SLC18A1: variants seen among roughly 807,000 people sequenced by gnomAD.
The protein encoded by SLC18A1 is solute carrier family 18 member A1, also known as chromaffin granule amine transporter.
In SLC18A1, 69 loss-of-function variants were observed where a neutral mutation model predicts 53.7. The observed-to-expected ratio is 1.28, with a 90% confidence interval of 1.06 to 1.57. SLC18A1 has a LOEUF of 1.57. SLC18A1 is among the 40% of genes most tolerant of loss of function. SLC18A1 has a pLI of 0.00. For missense variants in SLC18A1, 932 were observed against 668.1 expected (o/e 1.40, Z -4.35); for synonymous variants, 320 against 248.1 (o/e 1.29, Z -2.72).
At chr8:20,152,315 G>T (rs1563727751) in intron 10 of SLC18A1, among the ~76,000 whole-genome samples, 1 of 152,180 alleles carries the variant, frequency 6.6e-6, no homozygotes, top group Non-Finnish European at 1.5e-5. Context: ...TGACATAATT[G>T]GATTTATATT....
rs1261105613 is a variant in SLC18A1, at chr8:20,147,925, T to C, written c.1210+82A>G. On this transcript the variant is annotated intron_variant, in intron 13 of 15. Transcript: ENST00000276373. ...CTTCTGCCTCTGCACCTACCTCCTC[T>C]GATGAGAAAAGGGGGAGGAAAGGCA... The C allele has an allele frequency of 4.0e-6, 6 of 1,517,730 alleles. No individual in the cohort carries two copies. In the African/African-American group the frequency reaches 4.1e-5, roughly 10 times the overall value. The allele number at this position is 1,517,730 out of a possible 1,614,324, so 94.0% of individuals were successfully genotyped here.
chr8:20,151,372 A>G (rs543244632), intron 10 of SLC18A1, among the ~76,000 whole-genome samples: 1 of 152,044 alleles, frequency 6.6e-6, no homozygotes, highest in South Asian at 2.1e-4. Flanking sequence ...TGTATAAAAT[A>G]CCCTTGATTA....
chr8:20,146,889 G>C (rs1216077125), intron 15 of SLC18A1, among the ~76,000 whole-genome samples: 1 of 151,542 alleles, frequency 6.6e-6, no homozygotes, highest in Admixed American at 6.6e-5. Flanking sequence ...TGGATGAACG[G>C]ATGTGCCAAT....
intron 12 of SLC18A1, among the ~76,000 whole-genome samples, chr8:20,149,027 C>T (rs2071477497): frequency 6.6e-6 from 1 of 152,090 alleles, no homozygotes; most frequent in African/African-American, 2.4e-5. Flanking sequence ...ATCCCATGCT[C>T]CTGCTCAGGA....
rs1221690700 is a variant in SLC18A1, at chr8:20,145,652, C to T, written c.*111G>A. ...ATGGGAGGGGAGGAAAGAAGATTCC[C>T]AGGCAGAGGTATGTGAAGCCCACTG... On this transcript the variant is annotated 3_prime_UTR_variant, in exon 16 of 16. Transcript: ENST00000276373. 5 of 588,856 alleles carry T rather than the reference C, an allele frequency of 8.5e-6. No individual in the cohort carries two copies. Among genetic ancestry groups the T allele is most frequent in the African/African-American group, 5.7e-5 (3 of 52,632 alleles). 36.5% of individuals were successfully genotyped at this position (588,856 alleles called of 1,614,324 possible).
chr8:20,165,637 C>T (rs532445777), intron 8 of SLC18A1, among the ~76,000 whole-genome samples: 1 of 152,256 alleles, frequency 6.6e-6, no homozygotes, highest in East Asian at 1.9e-4. Context: ...ACAGCCTAAA[C>T]ATCCAGGACC....
intron 4 of SLC18A1, among the ~76,000 whole-genome samples, chr8:20,177,908 T>C (rs143697756): frequency 6.6e-6 from 1 of 152,360 alleles, no homozygotes; most frequent in African/African-American, 2.4e-5. Flanking sequence ...TGTCTTTCTC[T>C]TTCTTGTTTC....
At chr8:20,147,475 G>C (rs2071430481) in intron 14 of SLC18A1, 84 bp from the exon 15 acceptor site, 1 of 1,573,036 alleles carries the variant, frequency 6.4e-7, no homozygotes, top group African/African-American at 1.3e-5. Context: ...GCTAGGGGCA[G>C]TGGGTGACCC....
chr8:20,148,552 A>T, intron 12 of SLC18A1: 2 of 1,054,582 alleles, frequency 1.9e-6, no homozygotes, highest in South Asian at 2.6e-5. Flanking sequence ...AGGCCCCAAC[A>T]ACCAGTTAGC....
chr8:20,162,633 G>A (rs1374817305), intron 10 of SLC18A1, among the ~76,000 whole-genome samples: 2 of 152,174 alleles, frequency 1.3e-5, no homozygotes, highest in African/African-American at 2.4e-5. Flanking sequence ...AGTCTGCCAA[G>A]TTTTTTGTAA....
chr8:20,146,606 T>C (rs992621639), intron 15 of SLC18A1, among the ~76,000 whole-genome samples: 93 of 152,092 alleles, frequency 6.1e-4, no homozygotes, highest in African/African-American at 2.1e-3. Flanking sequence ...CCTGGGGTTT[T>C]TGTACTTTTA....
At position 20,147,302 on chromosome 8, in the gene SLC18A1, G is replaced by C. The variant is rs201358422; in HGVS notation, c.1420C>G (p.Leu474Val). 6.2e-7 allele frequency: 1 copy of C among 1,613,460 alleles called. No homozygotes were observed. The highest frequency in any genetic ancestry group is 2.2e-5 in the East Asian group (1 of 44,876). The change falls in exon 15 of 16, where the codon CTC (leucine) becomes GTC (valine). Residue 474 changes from leucine (L) to valine (V), a missense_variant. Physicochemically the swap from Leu to Val is conservative, Grantham distance 32. Coordinates refer to ENST00000276373, the MANE Select transcript of SLC18A1 (RefSeq NM_003053.4). ...GGGGGGCTCCGCAGGTAGTAGCAGA[G>C]TGGAGCATAGACGATGTTGATGACC... ...TGVINIVYAPLCYYLRSPPAK... is the reference protein window; with the variant it reads ...TGVINIVYAPVCYYLRSPPAK...
rs2071367776 is a variant in SLC18A1 at position 20,145,350 on chromosome 8, T to A, written c.*413A>T. On this transcript the variant is annotated 3_prime_UTR_variant, in exon 16 of 16. Transcript: ENST00000276373. ...CACGTTGAGGAAAAGAGGGTAACAC[T>A]CTTCCGATCTGTTGGGACTATGCCA... The A allele has an allele frequency of 1.3e-5, 2 of 154,730 alleles. No individual in the cohort carries two copies. The highest frequency in any genetic ancestry group is 4.8e-5 in the African/African-American group (2 of 41,512). The allele number at this position is 154,730 out of a possible 1,614,324, so 9.6% of individuals were successfully genotyped here. A position where few individuals can be genotyped will look rare whatever the true frequency, so the allele number is the denominator to read the frequency against.
rs776122956 is a variant in SLC18A1, at chr8:20,145,713, G to A, written c.*50C>T. ...TCAGCCATGGTGATCTGGTCCCAGGGAAAGAGGTGGTCACTGAGGCATCAT... is the reference window on the plus strand; with the variant it reads ...TCAGCCATGGTGATCTGGTCCCAGGAAAAGAGGTGGTCACTGAGGCATCAT... On this transcript the variant is annotated 3_prime_UTR_variant, in exon 16 of 16. Coordinates refer to ENST00000276373, the MANE Select transcript of SLC18A1 (RefSeq NM_003053.4). 3.3e-5 allele frequency: 40 copies of A among 1,222,988 alleles called. 1 individual carries two copies. In the South Asian group the frequency reaches 3.9e-4, roughly 12 times the overall value. The allele number at this position is 1,222,988 out of a possible 1,614,324, so 75.8% of individuals were successfully genotyped here.
chr8:20,149,724 C>G lies in SLC18A1; in HGVS notation c.1098G>C (p.Trp366Cys), dbSNP rs1347742469. 2 of 1,613,646 alleles carry G rather than the reference C, an allele frequency of 1.2e-6. No homozygotes were observed. ...CCAGCATCCCGATTAGGGAACACAG[C>G]CACCTGGAAGAAAAAAGCCATCATC... ...FGVLANKMGR[W>C]LCSLIGMLVV... The change falls in exon 12 of 16, where the codon TGG becomes TGC. Residue 366 changes from tryptophan to cysteine, a missense_variant. Coordinates refer to ENST00000276373, the MANE Select transcript of SLC18A1 (RefSeq NM_003053.4).
chr8:20,168,067 T>G (rs1015958365), intron 8 of SLC18A1, among the ~76,000 whole-genome samples: 14 of 152,010 alleles, frequency 9.2e-5, no homozygotes, highest in Admixed American at 2.6e-4. Context: ...CAAAAAACAA[T>G]GAAGGTATGT....
chr8:20,150,706 C>T lies in SLC18A1; in HGVS notation c.1054G>A (p.Gly352Ser), dbSNP rs757076469. 5 of 1,614,022 alleles carry T rather than the reference C, an allele frequency of 3.1e-6. No homozygotes were observed. The highest frequency in any genetic ancestry group is 2.2e-5 in the East Asian group (1 of 44,888). Residue 352 changes from glycine (G) to serine (S), a missense_variant, in exon 11 of 16, where the codon GGC becomes AGC. Physicochemically the swap from Gly to Ser is moderately conservative, Grantham distance 56. Coordinates refer to ENST00000276373, the MANE Select transcript of SLC18A1 (RefSeq NM_003053.4). ...GCCAACACACCAAAGAGGTTGGTGC[C>T]AATGAGGTAGGACACACTGGCAGGC... ...FLPASVSYLI[G>S]TNLFGVLANK...
chr8:20,145,932 TTGAGACGGA>T, intron 15 of SLC18A1, 56 bp from the exon 16 acceptor site: 2 of 1,080,924 alleles, frequency 1.9e-6, no homozygotes, highest in South Asian at 3.2e-5. Context: ...TTTTTTTTTT[TTGAGACGGA>T]GTCTCGCTCT....
At chr8:20,152,691 T>C (rs1400394997) in intron 10 of SLC18A1, among the ~76,000 whole-genome samples, 1 of 151,962 alleles carries the variant, frequency 6.6e-6, no homozygotes, top group Non-Finnish European at 1.5e-5. Flanking sequence ...GCCATGCAAA[T>C]GGATGGGATT....
Sources: allele counts gnomAD v4.1 joint callset (sites outside exome capture counted in the v4.1 genomes callset), GRCh38; gene constraint gnomAD v4.1.1; transcripts MANE v1.5; gene names NCBI Gene and HGNC (gene_info 2026-07-23, HGNC 2026-07-21).